The following LY86 variants were observed in gnomAD, a reference collection of about 807,000 sequenced individuals.
LY86 encodes lymphocyte antigen 86.
Under a neutral mutation model 17.3 loss-of-function variants are expected in LY86, and 20 were observed. The ratio of observed to expected loss-of-function variants is 1.15; its 90% CI spans 0.81 to 1.68. The LOEUF (loss-of-function observed/expected upper bound fraction) is 1.68, where lower values mean the gene tolerates loss of function less well. Ranked by LOEUF, LY86 falls within the 40% of genes most tolerant of loss-of-function variation. The pLI, the probability that LY86 is intolerant of heterozygous loss-of-function variation, is 0.00. For missense variants in LY86, 200 were observed against 191.9 expected, an observed-to-expected ratio of 1.04 and a Z score of -0.25; for synonymous variants, 74 against 70.6, an observed-to-expected ratio of 1.05 and a Z score of -0.24.
At chr6:6,613,584 G>A (rs1156425349) in intron 1 of LY86, among the ~76,000 whole-genome samples, 1 of 152,148 alleles carries the variant, frequency 6.6e-6, no homozygotes, top group African/African-American at 2.4e-5. Context: ...ACTCGCTCTG[G>A]CCCGCAAGCG....
intron 3 of LY86, among the ~76,000 whole-genome samples, chr6:6,643,659 C>A (rs1762070174): frequency 6.6e-6 from 1 of 152,164 alleles, no homozygotes; most frequent in Non-Finnish European, 1.5e-5. Flanking sequence ...TCTCACTACA[C>A]ACAAACACAC....
At chr6:6,631,842 T>C (rs575331184) in intron 3 of LY86, among the ~76,000 whole-genome samples, 9 of 152,376 alleles carry the variant, frequency 5.9e-5, no homozygotes, top group African/African-American at 2.2e-4. Context: ...GGTATGTCTA[T>C]ATCTGCTGCA....
chr6:6,604,350 A>C (rs564524693), intron 1 of LY86, among the ~76,000 whole-genome samples: 2 of 152,354 alleles, frequency 1.3e-5, no homozygotes, highest in Non-Finnish European at 2.9e-5. Flanking sequence ...AATTAAAAAA[A>C]CTCAAAACAT....
chr6:6,594,068 A>AT (rs894514771), intron 1 of LY86, among the ~76,000 whole-genome samples: 20 of 152,298 alleles, frequency 1.3e-4, no homozygotes, highest in African/African-American at 4.8e-4. Context: ...TCTGGATTGT[A>AT]TTTTTTGGCA....
chr6:6,639,049 G>A (rs903461864), intron 3 of LY86, among the ~76,000 whole-genome samples: 1 of 151,920 alleles, frequency 6.6e-6, no homozygotes, highest in South Asian at 2.1e-4. Flanking sequence ...ATGATAGACT[G>A]GATTAAGAAA....
intron 1 of LY86, among the ~76,000 whole-genome samples, chr6:6,597,341 G>A (rs533786459): frequency 3.9e-5 from 6 of 152,166 alleles, no homozygotes; most frequent in African/African-American, 9.7e-5. Flanking sequence ...AGAGGTTGTC[G>A]ATCCTAATTA....
intron 1 of LY86, among the ~76,000 whole-genome samples, chr6:6,623,463 G>A (rs1022027523): frequency 7.2e-5 from 11 of 152,192 alleles, no homozygotes; most frequent in Non-Finnish European, 1.3e-4. Flanking sequence ...TACTCACGAA[G>A]GAGCAAGTCC....
chr6:6,649,444 G>T (rs1762154394), intron 3 of LY86, among the ~76,000 whole-genome samples, 181 bp from the exon 4 acceptor site: 1 of 152,230 alleles, frequency 6.6e-6, no homozygotes. Flanking sequence ...AATATTTGTG[G>T]CATGAATGAA....
chr6:6,648,699 A>G (rs1020988641), intron 3 of LY86, among the ~76,000 whole-genome samples: 7 of 151,354 alleles, frequency 4.6e-5, no homozygotes, highest in African/African-American at 1.7e-4. Context: ...TTTATTGATT[A>G]CCTCTTTTAA....
chr6:6,616,004 CTTCT>C (rs1007143144), intron 1 of LY86, among the ~76,000 whole-genome samples: 15 of 152,308 alleles, frequency 9.8e-5, no homozygotes, highest in African/African-American at 3.6e-4. Flanking sequence ...ATTGTAATAT[CTTCT>C]TTCTAATAGA....
chr6:6,595,234 G>A (rs1760662082), intron 1 of LY86, among the ~76,000 whole-genome samples: 1 of 150,562 alleles, frequency 6.6e-6, no homozygotes, highest in African/African-American at 2.5e-5. Context: ...AGGAGTAGGA[G>A]GAGGGAAGAG....
At chr6:6,639,995 G>T (rs1488873843) in intron 3 of LY86, among the ~76,000 whole-genome samples, 2 of 152,202 alleles carry the variant, frequency 1.3e-5, no homozygotes, top group Non-Finnish European at 2.9e-5. Context: ...TAATGCGCTT[G>T]CTCACAAATC....
At chr6:6,603,907 G>A (rs925789409) in intron 1 of LY86, among the ~76,000 whole-genome samples, 7 of 151,924 alleles carry the variant, frequency 4.6e-5, no homozygotes, top group African/African-American at 1.2e-4. Flanking sequence ...AACACTATTA[G>A]GCAAAACAGA....
chr6:6,593,465 G>C (rs1402471885), intron 1 of LY86, among the ~76,000 whole-genome samples: 1 of 152,168 alleles, frequency 6.6e-6, no homozygotes, highest in Admixed American at 6.5e-5. Flanking sequence ...GACATCTTTG[G>C]GGACCATTAT....
intron 1 of LY86, among the ~76,000 whole-genome samples, chr6:6,606,431 C>G (rs1364827058): frequency 1.3e-5 from 2 of 152,236 alleles, no homozygotes; most frequent in Admixed American, 1.3e-4. Context: ...TGCACCTGGG[C>G]GGCAGGTGGA....
rs540840468 is a variant in LY86, at chr6:6,603,632, A to AACACACACAC, written c.136+14776_136+14785dup. Among the ~76,000 whole-genome samples, 414 of 135,856 alleles carry AACACACACAC rather than the reference A, an allele frequency of 3.0e-3. 5 individuals carry two copies. Among genetic ancestry groups the AACACACACAC allele is most frequent in the African/African-American group, 8.3e-3 (311 of 37,640 alleles). 89.1% of individuals were successfully genotyped at this position (135,856 alleles called of 152,430 possible). ...AAAAAAAACAAACAAAAAAAAACAA[A>AACACACACAC]ACACACACACACACACACACACAGA... On this transcript the variant is annotated intron_variant, in intron 1 of 4. Coordinates refer to ENST00000230568, the MANE Select transcript of LY86 (RefSeq NM_004271.4).
chr6:6,600,272 C>T (rs1002841333), intron 1 of LY86, among the ~76,000 whole-genome samples: 1 of 152,028 alleles, frequency 6.6e-6, no homozygotes, highest in Non-Finnish European at 1.5e-5. Context: ...AACACATAAC[C>T]ATGACAGGGG....
chr6:6,605,182 T>A (rs1036320595), intron 1 of LY86, among the ~76,000 whole-genome samples: 18 of 152,192 alleles, frequency 1.2e-4, no homozygotes, highest in Admixed American at 9.2e-4. Context: ...ATGATAATGA[T>A]GAATTTGGAA....
intron 1 of LY86, among the ~76,000 whole-genome samples, chr6:6,611,800 C>CT (rs35338398): frequency 6.6e-6 from 1 of 152,098 alleles, no homozygotes; most frequent in African/African-American, 2.4e-5. Context: ...GCTCAAAAAG[C>CT]TTTAACAATC....
Sources: gnomAD v4.1 joint callset for allele counts (sites outside exome capture counted in the v4.1 genomes callset) on GRCh38, gnomAD v4.1.1 for gene constraint, MANE v1.5 for transcripts, NCBI Gene and HGNC (gene_info 2026-07-23, HGNC 2026-07-21) for gene names.